Variants in PDE9A observed in about 807,000 individuals in gnomAD.
PDE9A encodes high affinity cGMP-specific 3',5'-cyclic phosphodiesterase 9A.
A neutral mutation model predicts 87.4 loss-of-function variants in PDE9A; 60 were observed. That is an observed-to-expected ratio of 0.69 (90% CI 0.56 to 0.85). The LOEUF (loss-of-function observed/expected upper bound fraction) is 0.85. PDE9A is among the 40% of genes least tolerant of loss of function. The pLI, the probability that PDE9A is intolerant of heterozygous loss-of-function variation, is 0.00. For synonymous variants in PDE9A, 272 were observed against 279.4 expected (o/e 0.97, Z 0.27); for missense variants, 665 against 779.0 (o/e 0.85, Z 1.74).
chr21:42,711,309 G>A (rs2049322227), intron 4 of PDE9A, among the ~76,000 whole-genome samples: 1 of 150,554 alleles, frequency 6.6e-6, no homozygotes, highest in Non-Finnish European at 1.5e-5. Flanking sequence ...CTGGGGTGCA[G>A]CTGTGCGATA....
At chr21:42,667,483 G>C (rs142517261) in intron 1 of PDE9A, among the ~76,000 whole-genome samples, 1 of 152,198 alleles carries the variant, frequency 6.6e-6, no homozygotes, top group East Asian at 1.9e-4. Context: ...CTCCCTCCCA[G>C]TTGCCTGCCC....
At position 42,760,728 on chromosome 21, in the gene PDE9A, G is replaced by T; in HGVS notation, c.1003-97G>T. 1.3e-6 allele frequency: 1 copy of T among 766,836 alleles called. No individual in the cohort carries two copies. The highest frequency in any genetic ancestry group is 1.5e-5 in the South Asian group (1 of 68,610). 47.5% of individuals were successfully genotyped at this position (766,836 alleles called of 1,614,324 possible). ...ATGCCAGATGGCTGCAGGGGCCTTT[G>T]TCCCCCGCTTACCACTCACCCAATT... On this transcript the variant is annotated intron_variant, in intron 12 of 19. Transcript: ENST00000291539. This position sits in a 1 kb window ranked among gnomAD's most constrained non-coding sequence, Gnocchi z 5.2.
rs78220874 is a variant in PDE9A at position 42,718,680 on chromosome 21, G to A, written c.263-13090G>A. Among the ~76,000 whole-genome samples, 147 of 151,544 alleles carry A rather than the reference G, an allele frequency of 9.7e-4. 3 individuals are homozygous for A. In the East Asian group the frequency reaches 0.013, roughly 13 times the overall value. ...CCTCTGTTTACGATTTACTGACGCC[G>A]CTTTTGTTTCGGTGTTTGCACGTAC... On this transcript the variant is annotated intron_variant, in intron 4 of 19. Transcript: ENST00000291539.
At chr21:42,656,824 C>T (rs191739037) in intron 1 of PDE9A, among the ~76,000 whole-genome samples, 40 of 152,332 alleles carry the variant, frequency 2.6e-4, no homozygotes, top group East Asian at 3.9e-4. Flanking sequence ...ACTGAGGCTC[C>T]GTTTTCAGTG....
At position 42,694,151 on chromosome 21, in the gene PDE9A, CA is replaced by C. The variant is rs1019395417; in HGVS notation, c.219-4816del. On this transcript the variant is annotated intron_variant, in intron 3 of 19. Coordinates refer to ENST00000291539, the MANE Select transcript of PDE9A (RefSeq NM_002606.3). The surrounding 1 kb of genome is among the most constrained non-coding windows in gnomAD (Gnocchi z 5.3). ...AAACTCTTTGTTTCTTCCTAGCAGA[CA>C]GCAGCCCTCTCCCTCTAGCTCAGAA... 4.6e-5 allele frequency among the ~76,000 whole-genome samples: 7 copies of C among 152,226 alleles called. No individual in the cohort carries two copies. Among genetic ancestry groups the C allele is most frequent in the African/African-American group, 1.7e-4 (7 of 41,456 alleles).
chr21:42,742,807 G>A (rs1436893861), intron 7 of PDE9A, among the ~76,000 whole-genome samples: 1 of 152,016 alleles, frequency 6.6e-6, no homozygotes, highest in Non-Finnish European at 1.5e-5. Context: ...ACTGGGGCCA[G>A]AAGACCAGAC....
At position 42,753,973 on chromosome 21, in the gene PDE9A, A is replaced by T. The variant is rs771837600; in HGVS notation, c.736-17A>T. 70 of 1,567,030 alleles carry T rather than the reference A, an allele frequency of 4.5e-5. 1 individual carries two copies. In the South Asian group the frequency reaches 7.6e-4, roughly 17 times the overall value. ...GCCCACGGCGCCTGGTTAACACGGAACTCCTGTCCTTTCTAGTACCTGCTC... is the reference window on the plus strand; with the variant it reads ...GCCCACGGCGCCTGGTTAACACGGATCTCCTGTCCTTTCTAGTACCTGCTC... On this transcript the variant is annotated splice_polypyrimidine_tract_variant and intron_variant, in intron 9 of 19. Transcript: ENST00000291539.
chr21:42,726,593 C>CATATATATAT lies in PDE9A; in HGVS notation c.263-5154_263-5145dup, dbSNP rs898602288. 5.0e-4 allele frequency among the ~76,000 whole-genome samples: 19 copies of CATATATATAT among 38,220 alleles called. 1 individual carries two copies. Among genetic ancestry groups the CATATATATAT allele is most frequent in the Admixed American group, 7.1e-4 (2 of 2,824 alleles). 25.1% of individuals were successfully genotyped at this position (38,220 alleles called of 152,430 possible). ...ATTACTGAATGCCACCACGCCTGGCCATATATATATATATATATATATATA... is the reference window on the plus strand; with the variant it reads ...ATTACTGAATGCCACCACGCCTGGCCATATATATATATATATATATATATATATATATATA... On this transcript the variant is annotated intron_variant, in intron 4 of 19. Transcript: ENST00000291539.
At chr21:42,656,424 G>T (rs550905106) in intron 1 of PDE9A, among the ~76,000 whole-genome samples, 1 of 152,344 alleles carries the variant, frequency 6.6e-6, no homozygotes, top group South Asian at 2.1e-4. Context: ...GAAACTGGGG[G>T]TTCTGCCGAG....
chr21:42,751,244 C>T (rs767336947), intron 9 of PDE9A, 47 bp downstream of exon 9: 8 of 1,346,524 alleles, frequency 5.9e-6, no homozygotes, highest in Admixed American at 5.0e-5. Context: ...GTGTCCCCAG[C>T]CCCACGCCCA....
intron 1 of PDE9A, among the ~76,000 whole-genome samples, chr21:42,683,686 A>C (rs537975380): frequency 4.6e-5 from 7 of 152,330 alleles, no homozygotes; most frequent in Non-Finnish European, 8.8e-5. Context: ...GAGCCTGCCC[A>C]GTCCCAAGAG....
chr21:42,663,162 TCACA>T (rs544871573), intron 1 of PDE9A, among the ~76,000 whole-genome samples: 1 of 130,706 alleles, frequency 7.7e-6, no homozygotes, highest in Non-Finnish European at 1.6e-5. Context: ...TGCATATACA[TCACA>T]CACACATCAC....
intron 4 of PDE9A, among the ~76,000 whole-genome samples, chr21:42,725,296 G>A (rs2050922304): frequency 1.3e-5 from 2 of 151,874 alleles, no homozygotes; most frequent in Admixed American, 6.6e-5. Flanking sequence ...GGAGTGCAAT[G>A]GCACAATCTC....
rs904313089 is a variant in PDE9A, at chr21:42,770,717, T to A, written c.1605T>A (p.Val535=). ...GTCTCTCCCAGCTCTTCCCCATGGTTGAGGAGATCATGCTGCAGCCACTTT... is the reference window on the plus strand; with the variant it reads ...GTCTCTCCCAGCTCTTCCCCATGGTAGAGGAGATCATGCTGCAGCCACTTT... The part of the protein sequence containing the change: ...FETVTKLFPM[V]EEIMLQPLWE... Residue 535 remains valine (V), a synonymous_variant, in exon 18 of 20, where the codon GTT becomes GTA. Coordinates refer to ENST00000291539, the MANE Select transcript of PDE9A (RefSeq NM_002606.3). 6.2e-7 allele frequency: 1 copy of A among 1,613,374 alleles called. No homozygotes were observed. The highest frequency in any genetic ancestry group is 8.5e-7 in the Non-Finnish European group (1 of 1,179,440).
chr21:42,743,903 G>C (rs780205538), intron 8 of PDE9A, 43 bp downstream of exon 8: 37 of 1,163,074 alleles, frequency 3.2e-5, no homozygotes, highest in Middle Eastern at 2.2e-4. Context: ...GCCTGGGGAG[G>C]GCTCCCCGTA....
At position 42,747,173 on chromosome 21, in the gene PDE9A, C is replaced by T. The variant is rs138887438; in HGVS notation, c.653+3313C>T. On this transcript the variant is annotated intron_variant, in intron 8 of 19. Transcript: ENST00000291539. ...CTCAGAATAGAGACACTGAGATATT[C>T]GTGTTGTCCCTTTTGTCTTTGTCAA... Among the ~76,000 whole-genome samples, 5 of 152,314 alleles carry T rather than the reference C, an allele frequency of 3.3e-5. No individual in the cohort carries two copies. In the East Asian group the frequency reaches 9.7e-4, roughly 29 times the overall value.
intron 13 of PDE9A, 119 bp downstream of exon 13, chr21:42,761,026 C>A (rs1012837051): frequency 7.0e-6 from 5 of 715,326 alleles, no homozygotes; most frequent in Middle Eastern, 2.3e-4. Context: ...GGCCTCCCAG[C>A]CCCCAACTCT....
At chr21:42,682,094 C>T (rs2059196639) in intron 1 of PDE9A, among the ~76,000 whole-genome samples, 1 of 152,270 alleles carries the variant, frequency 6.6e-6, no homozygotes, top group African/African-American at 2.4e-5. Flanking sequence ...TTTGGCGCCG[C>T]TGGAGACTAA....
intron 1 of PDE9A, among the ~76,000 whole-genome samples, chr21:42,676,343 C>A (rs1433534464): frequency 1.3e-5 from 2 of 152,050 alleles, no homozygotes; most frequent in Non-Finnish European, 2.9e-5. Flanking sequence ...CAACCACAGT[C>A]ACAGTCTAGA....
Sources: gnomAD v4.1 joint callset for allele counts (sites outside exome capture counted in the v4.1 genomes callset) on GRCh38, gnomAD v4.1.1 for gene constraint, Gnocchi (gnomAD v3.1) non-coding constraint, MANE v1.5 for transcripts, NCBI Gene and HGNC (gene_info 2026-07-23, HGNC 2026-07-21) for gene names.